ASB3: variants seen among roughly 807,000 people sequenced by gnomAD.
ASB3 encodes ankyrin repeat and SOCS box containing 3.
In ASB3, 41 loss-of-function variants were observed where a neutral mutation model predicts 54.5. The ratio of observed to expected loss-of-function variants is 0.75; its 90% CI spans 0.59 to 0.98. The LOEUF is 0.98. ASB3 is among the 50% of genes least tolerant of loss of function. The pLI, the probability that ASB3 is intolerant of heterozygous loss-of-function variation, is 0.00. For missense variants in ASB3, 733 were observed against 620.0 expected, an observed-to-expected ratio of 1.18 and a Z score of -1.94; for synonymous variants, 266 against 221.2, an observed-to-expected ratio of 1.20 and a Z score of -1.80.
intron 1 of ASB3, chr2:53,771,846 G>T: frequency 1.1e-6 from 1 of 889,702 alleles, no homozygotes; most frequent in Non-Finnish European, 1.8e-6. Context: ...TGTTGCTAAT[G>T]CTCAGCTACT....
intron 9 of ASB3, among the ~76,000 whole-genome samples, chr2:53,677,417 C>T (rs1199484187): frequency 4.6e-5 from 7 of 152,082 alleles, no homozygotes; most frequent in African/African-American, 7.2e-5. Context: ...AACAAATACC[C>T]TAAGTTGTAA....
chr2:53,717,323 T>G (rs550419084), intron 5 of ASB3, among the ~76,000 whole-genome samples: 1 of 152,236 alleles, frequency 6.6e-6, no homozygotes, highest in East Asian at 1.9e-4. Flanking sequence ...TTATGAAAAA[T>G]TATCAGTAGA....
chr2:53,780,150 T>G (rs1388277369), intron 1 of ASB3, among the ~76,000 whole-genome samples: 1 of 152,208 alleles, frequency 6.6e-6, no homozygotes, highest in Non-Finnish European at 1.5e-5. Flanking sequence ...CTGAGGTCAG[T>G]AATCAAAATG....
chr2:53,715,675 GT>G (rs1670346382), intron 6 of ASB3, among the ~76,000 whole-genome samples: 1 of 152,014 alleles, frequency 6.6e-6, no homozygotes, highest in Non-Finnish European at 1.5e-5. Flanking sequence ...TAATAAATGT[GT>G]TTAATTTTTT....
intron 3 of ASB3, among the ~76,000 whole-genome samples, chr2:53,745,212 A>C (rs192059024): frequency 2.6e-5 from 4 of 152,214 alleles, no homozygotes; most frequent in Non-Finnish European, 5.9e-5. Context: ...TTATGTGTAT[A>C]TGGAGCAAGG....
chr2:53,785,829 G>A (rs1674944470), intron 1 of ASB3, among the ~76,000 whole-genome samples: 1 of 152,212 alleles, frequency 6.6e-6, no homozygotes, highest in South Asian at 2.1e-4. Context: ...GTGACAGAGC[G>A]AGACTTTGTC....
At chr2:53,680,194 GC>G (rs1668293849) in intron 9 of ASB3, among the ~76,000 whole-genome samples, 1 of 152,164 alleles carries the variant, frequency 6.6e-6, no homozygotes. Flanking sequence ...GAATAGCACT[GC>G]AAGGAACATA....
intron 9 of ASB3, among the ~76,000 whole-genome samples, chr2:53,680,336 T>C (rs180736248): frequency 1.3e-4 from 20 of 152,320 alleles, no homozygotes; most frequent in African/African-American, 4.3e-4. Context: ...TTCCCAACGG[T>C]TGAAGTAGTT....
At chr2:53,715,306 G>C (rs989132049) in intron 6 of ASB3, among the ~76,000 whole-genome samples, 2 of 152,146 alleles carry the variant, frequency 1.3e-5, no homozygotes, top group Non-Finnish European at 2.9e-5. Context: ...AAACTGTATA[G>C]TTAAAGCCAG....
chr2:53,671,691 G>A lies in ASB3; in HGVS notation c.1370-1001C>T, dbSNP rs548523375. On this transcript the variant is annotated intron_variant, in intron 9 of 9. Transcript: ENST00000263634. Reference sequence around the variant, plus strand: ...AAATAATTGCTTGAACCTGGGAGGCGGAGGTTGCAGTGAGCCGAGATCATG... The same window carrying A: ...AAATAATTGCTTGAACCTGGGAGGCAGAGGTTGCAGTGAGCCGAGATCATG... 4.6e-4 allele frequency among the ~76,000 whole-genome samples: 67 copies of A among 145,762 alleles called. 4 individuals are homozygous for A. The highest frequency in any genetic ancestry group is 1.5e-3 in the African/African-American group (56 of 38,224).
chr2:53,674,104 G>A (rs1312288186), intron 9 of ASB3, among the ~76,000 whole-genome samples: 2 of 152,150 alleles, frequency 1.3e-5, no homozygotes, highest in African/African-American at 2.4e-5. Context: ...AGAAGATCAA[G>A]CCATGCCTTG....
At chr2:53,708,461 C>G (rs1669910477) in intron 7 of ASB3, among the ~76,000 whole-genome samples, 2 of 152,116 alleles carry the variant, frequency 1.3e-5, no homozygotes, top group Admixed American at 6.5e-5. Context: ...CAAGAACGAA[C>G]TAATACAGAA....
rs961649608 is a variant in ASB3 at position 53,678,702 on chromosome 2, A to G, written c.1370-8012T>C. Among the ~76,000 whole-genome samples the G allele has an allele frequency of 2.6e-5, 4 of 152,310 alleles. No homozygotes were observed. In the East Asian group the frequency reaches 5.8e-4, roughly 22 times the overall value. On this transcript the variant is annotated intron_variant, in intron 9 of 9. Transcript: ENST00000263634. ...TGCTAAGTGGAGGATGGGAAGAGAG[A>G]TAAGTCCTCGGGAATCCCCATTCTA... is the stretch of plus-strand genomic sequence containing the variant.
At chr2:53,784,434 G>A (rs1273375494) in intron 1 of ASB3, among the ~76,000 whole-genome samples, 2 of 152,188 alleles carry the variant, frequency 1.3e-5, no homozygotes, top group African/African-American at 4.8e-5. Context: ...TCCTGAGGCT[G>A]CTGTAACAAA....
At chr2:53,678,902 T>G (rs1318973415) in intron 9 of ASB3, among the ~76,000 whole-genome samples, 5 of 152,194 alleles carry the variant, frequency 3.3e-5, no homozygotes, top group African/African-American at 1.2e-4. Context: ...ATACTTCTTG[T>G]GCACCACTTC....
At chr2:53,738,168 T>A (rs1558550566) in intron 3 of ASB3, among the ~76,000 whole-genome samples, 1 of 152,220 alleles carries the variant, frequency 6.6e-6, no homozygotes, top group Non-Finnish European at 1.5e-5. Context: ...CAATGGAGGA[T>A]AATGAGAAAA....
chr2:53,697,206 C>G (rs1669232419), intron 8 of ASB3, among the ~76,000 whole-genome samples: 1 of 152,194 alleles, frequency 6.6e-6, no homozygotes, highest in Non-Finnish European at 1.5e-5. Context: ...TGACAGTTTA[C>G]CAATGCCATG....
chr2:53,682,797 A>G lies in ASB3; in HGVS notation c.1369+11087T>C, dbSNP rs560305152. ...CAGCCTGTTCACTGCTGGCATAAAT[A>G]AATGCGCCAATTTTTGTATGTTGAT... On this transcript the variant is annotated intron_variant, in intron 9 of 9. Coordinates refer to ENST00000263634, the MANE Select transcript of ASB3 (RefSeq NM_016115.5). 2.2e-4 allele frequency among the ~76,000 whole-genome samples: 34 copies of G among 152,286 alleles called. No individual in the cohort carries two copies. The South Asian group carries it at 6.4e-3, about 29-fold the overall frequency.
At chr2:53,680,105 T>C (rs1240533446) in intron 9 of ASB3, among the ~76,000 whole-genome samples, 2 of 152,222 alleles carry the variant, frequency 1.3e-5, no homozygotes, top group East Asian at 3.8e-4. Flanking sequence ...TTCTAATCCA[T>C]GGTGCGTATG....
Sources: gnomAD v4.1 joint callset for allele counts (sites outside exome capture counted in the v4.1 genomes callset) on GRCh38, gnomAD v4.1.1 for gene constraint, MANE v1.5 for transcripts, NCBI Gene and HGNC (gene_info 2026-07-23, HGNC 2026-07-21) for gene names.